The following ST6GALNAC3 variants were observed in gnomAD, a reference collection of about 807,000 sequenced individuals.
ST6GALNAC3 encodes alpha-N-acetylgalactosaminide alpha-2,6-sialyltransferase 3.
A neutral mutation model predicts 32.7 loss-of-function variants in ST6GALNAC3; 25 were observed. That is an observed-to-expected ratio of 0.76 (90% CI 0.56 to 1.07). The LOEUF (loss-of-function observed/expected upper bound fraction) is 1.07. ST6GALNAC3 is among the 50% of genes least tolerant of loss of function. The pLI, the probability that ST6GALNAC3 is intolerant of heterozygous loss-of-function variation, is 0.00. For synonymous variants in ST6GALNAC3, 129 were observed against 133.1 expected (o/e 0.97, Z 0.21); for missense variants, 355 against 382.4 (o/e 0.93, Z 0.60).
chr1:76,411,536 GAAC>G (rs1287856840), intron 2 of ST6GALNAC3, among the ~76,000 whole-genome samples: 1 of 152,076 alleles, frequency 6.6e-6, no homozygotes, highest in Non-Finnish European at 1.5e-5. Flanking sequence ...ATTGCTTGCT[GAAC>G]TCTTCATATT....
At chr1:76,408,423 C>G (rs578119361) in intron 2 of ST6GALNAC3, among the ~76,000 whole-genome samples, 2 of 152,182 alleles carry the variant, frequency 1.3e-5, no homozygotes, top group Admixed American at 1.3e-4. Context: ...TCACCATCTA[C>G]CCTCAAAGCC....
intron 3 of ST6GALNAC3, among the ~76,000 whole-genome samples, chr1:76,537,209 GAA>G (rs1663667302): frequency 6.6e-6 from 1 of 151,604 alleles, no homozygotes; most frequent in African/African-American, 2.4e-5. Flanking sequence ...AAATTACATG[GAA>G]ATTTGAATGA....
At chr1:76,321,263 G>T (rs1349204168) in intron 2 of ST6GALNAC3, among the ~76,000 whole-genome samples, 1 of 152,102 alleles carries the variant, frequency 6.6e-6, no homozygotes, top group Non-Finnish European at 1.5e-5. Context: ...GTTGGGATGT[G>T]ATTCTCTGGA....
chr1:76,205,407 T>G (rs1654765419), intron 1 of ST6GALNAC3, among the ~76,000 whole-genome samples: 1 of 152,166 alleles, frequency 6.6e-6, no homozygotes, highest in African/African-American at 2.4e-5. Flanking sequence ...TTGCTTAGGG[T>G]TCCCTGACAC....
chr1:76,472,363 C>T (rs997810831), intron 3 of ST6GALNAC3, among the ~76,000 whole-genome samples: 7 of 152,032 alleles, frequency 4.6e-5, no homozygotes, highest in Admixed American at 1.3e-4. Context: ...AATAACTTTT[C>T]AACCAAGTTA....
chr1:76,273,671 A>G (rs974104338), intron 1 of ST6GALNAC3, among the ~76,000 whole-genome samples: 1 of 152,258 alleles, frequency 6.6e-6, no homozygotes, highest in Non-Finnish European at 1.5e-5. Context: ...CTGTTTACAT[A>G]TGCCTGGTAT....
rs538744015 is a variant in ST6GALNAC3, at chr1:76,277,982, A to G, written c.19-35823A>G. On this transcript the variant is annotated intron_variant, in intron 1 of 4. Transcript: ENST00000328299. The stretch of plus-strand genomic sequence containing the variant: ...CTTATTCTTCAGGAATGTCTTGGTC[A>G]TTCTTGGCCTTTTGCATTTCTACAG... Among the ~76,000 whole-genome samples the G allele has an allele frequency of 3.3e-5, 5 of 152,204 alleles. No homozygotes were observed. The South Asian group carries it at 1.0e-3, about 32-fold the overall frequency.
intron 1 of ST6GALNAC3, among the ~76,000 whole-genome samples, chr1:76,155,836 C>T (rs1651377991): frequency 6.6e-6 from 1 of 152,132 alleles, no homozygotes; most frequent in Non-Finnish European, 1.5e-5. Flanking sequence ...TAGCATAACA[C>T]ATTTGTTACA....
chr1:76,223,311 G>A (rs1216936926), intron 1 of ST6GALNAC3, among the ~76,000 whole-genome samples: 1 of 152,130 alleles, frequency 6.6e-6, no homozygotes, highest in African/African-American at 2.4e-5. Flanking sequence ...CCCGAATACT[G>A]TATGTTCTCT....
Position 76,457,013 on chromosome 1 carries a change from T to C in ST6GALNAC3, c.623+44596T>C, listed in dbSNP as rs548487284. Among the ~76,000 whole-genome samples, 939 of 151,464 alleles carry C rather than the reference T, an allele frequency of 6.2e-3. 7 individuals are homozygous for C. The highest frequency in any genetic ancestry group is 0.022 in the African/African-American group (900 of 41,420). Reference sequence around the variant, plus strand: ...AAGCAACTTCAGCAAAGTCTCAGGATACAAAATCAATGTACAAAAATCACA... The same window carrying C: ...AAGCAACTTCAGCAAAGTCTCAGGACACAAAATCAATGTACAAAAATCACA... On this transcript the variant is annotated intron_variant, in intron 3 of 4. Transcript: ENST00000328299.
At chr1:76,222,865 C>T (rs531832753) in intron 1 of ST6GALNAC3, among the ~76,000 whole-genome samples, 1 of 152,140 alleles carries the variant, frequency 6.6e-6, no homozygotes, top group Non-Finnish European at 1.5e-5. Flanking sequence ...CATCTTGTAC[C>T]AGTCACAATG....
intron 3 of ST6GALNAC3, among the ~76,000 whole-genome samples, chr1:76,626,116 G>A (rs1285499831): frequency 1.3e-5 from 2 of 151,856 alleles, no homozygotes; most frequent in Non-Finnish European, 2.9e-5. Context: ...CAGCAGCAAA[G>A]GATTCAAGGC....
chr1:76,210,679 A>C (rs544534397), intron 1 of ST6GALNAC3, among the ~76,000 whole-genome samples: 1 of 152,042 alleles, frequency 6.6e-6, no homozygotes, highest in African/African-American at 2.4e-5. Context: ...CTTGCAGACA[A>C]CTTCCTTCTC....
chr1:76,225,909 C>T (rs1324985724), intron 1 of ST6GALNAC3, among the ~76,000 whole-genome samples: 1 of 152,094 alleles, frequency 6.6e-6, no homozygotes, highest in Non-Finnish European at 1.5e-5. Flanking sequence ...TGGACTTCAC[C>T]CATTCACACA....
chr1:76,495,116 A>G (rs1172187718), intron 3 of ST6GALNAC3, among the ~76,000 whole-genome samples: 2 of 152,046 alleles, frequency 1.3e-5, no homozygotes, highest in East Asian at 3.9e-4. Context: ...TCAAATGTTA[A>G]TCTCCTCCCA....
chr1:76,242,830 A>T (rs1014759286), intron 1 of ST6GALNAC3, among the ~76,000 whole-genome samples: 2 of 152,174 alleles, frequency 1.3e-5, no homozygotes, highest in Admixed American at 1.3e-4. Flanking sequence ...TGTATGTACC[A>T]CATTTTCTTT....
At chr1:76,464,490 A>C (rs1658494491) in intron 3 of ST6GALNAC3, among the ~76,000 whole-genome samples, 1 of 152,156 alleles carries the variant, frequency 6.6e-6, no homozygotes, top group South Asian at 2.1e-4. Context: ...CCCGGGAGGA[A>C]TAGTCTTACA....
chr1:76,079,362 C>T lies in ST6GALNAC3; in HGVS notation c.18+4478C>T, dbSNP rs373494513. Among the ~76,000 whole-genome samples, 22 of 152,202 alleles carry T rather than the reference C, an allele frequency of 1.4e-4. No homozygotes were observed. The East Asian group carries it at 3.5e-3, about 24-fold the overall frequency. ...TAAAATTTTATGCAAGAAAATCTAT[C>T]CATATTTTCTTTTATGATTTCTACC... is the stretch of plus-strand genomic sequence containing the variant. On this transcript the variant is annotated intron_variant, in intron 1 of 4. Transcript: ENST00000328299.
chr1:76,076,347 A>G (rs1235267976), intron 1 of ST6GALNAC3, among the ~76,000 whole-genome samples: 2 of 152,176 alleles, frequency 1.3e-5, no homozygotes, highest in Non-Finnish European at 2.9e-5. Context: ...ATCTGGTCCA[A>G]TCTTTCTCTT....
Sources: allele counts gnomAD v4.1 joint callset (sites outside exome capture counted in the v4.1 genomes callset), GRCh38; gene constraint gnomAD v4.1.1; transcripts MANE v1.5; gene names NCBI Gene and HGNC (gene_info 2026-07-23, HGNC 2026-07-21).